The following PCNX2 variants were observed in gnomAD, a reference collection of about 807,000 sequenced individuals.
PCNX2 encodes the protein pecanex 2.
In PCNX2, 168 loss-of-function variants were observed where a neutral mutation model predicts 223.8. That is an observed-to-expected ratio of 0.75 (90% confidence interval 0.66 to 0.85). The LOEUF is 0.85. PCNX2 is among the 40% of genes least tolerant of loss of function. PCNX2 has a pLI of 0.00. For missense variants in PCNX2, 2,507 were observed against 2,675.5 expected, an observed-to-expected ratio of 0.94 and a Z score of 1.39; for synonymous variants, 1,006 against 1,052.6, an observed-to-expected ratio of 0.96 and a Z score of 0.86.
At chr1:233,261,987 G>C in intron 3 of PCNX2, 58 bp downstream of exon 3, 1 of 1,602,084 alleles carries the variant, frequency 6.2e-7, no homozygotes, top group African/African-American at 1.3e-5. Context: ...TCCCATTCTA[G>C]GTGAGATCAA....
chr1:233,324,725 A>G, the PCNX2 span, among the ~76,000 whole-genome samples: 36 of 150,984 alleles, frequency 2.4e-4, no homozygotes, highest in African/African-American at 8.5e-4. Context: ...CTCAGCCTAC[A>G]GAGTAGCTGG....
chr1:233,315,826 AT>A, the PCNX2 span, among the ~76,000 whole-genome samples: 1 of 151,722 alleles, frequency 6.6e-6, no homozygotes, highest in Non-Finnish European at 1.5e-5. Context: ...TAAAAAAAAA[AT>A]CTTTGTCCTC....
chr1:233,017,553 T>TG (rs1292041121), intron 26 of PCNX2, among the ~76,000 whole-genome samples: 1 of 152,038 alleles, frequency 6.6e-6, no homozygotes, highest in Non-Finnish European at 1.5e-5. Flanking sequence ...CCTGACCTCG[T>TG]GATCCGCCCG....
intron 13 of PCNX2, among the ~76,000 whole-genome samples, chr1:233,206,582 G>A (rs902845977): frequency 2.8e-4 from 43 of 152,132 alleles, no homozygotes; most frequent in Non-Finnish European, 5.7e-4. Flanking sequence ...TATCAGGAAG[G>A]ATAGAAGCAA....
chr1:233,149,948 C>T (rs76194334), intron 19 of PCNX2, among the ~76,000 whole-genome samples: 1,981 of 152,024 alleles, frequency 0.013, 28 homozygotes, highest in Middle Eastern at 0.024. Flanking sequence ...ATTTACACGT[C>T]ACTTCCTCAA....
At chr1:233,039,993 A>G (rs563620379) in intron 25 of PCNX2, among the ~76,000 whole-genome samples, 27 of 152,266 alleles carry the variant, frequency 1.8e-4, no homozygotes, top group Non-Finnish European at 3.2e-4. Flanking sequence ...TGTAGAAAAT[A>G]TATACAAATG....
Position 233,253,461 on chromosome 1 carries a change from C to T in PCNX2, c.1835-673G>A, listed in dbSNP as rs1040453036. 6.6e-6 allele frequency among the ~76,000 whole-genome samples: 1 copy of T among 152,220 alleles called. No homozygotes were observed. Among genetic ancestry groups the T allele is most frequent in the African/African-American group, 2.4e-5 (1 of 41,472 alleles). On this transcript the variant is annotated intron_variant, in intron 5 of 33. Coordinates refer to ENST00000258229, the MANE Select transcript of PCNX2 (RefSeq NM_014801.4). The surrounding 1 kb of genome is among the most constrained non-coding windows in gnomAD (Gnocchi z 4.2). ...TTGGGCACAAGTGACTCTCCTATCT[C>T]TGCCTCCCAAGCAGCTGGGATGACA...
At chr1:233,199,821 CTT>C (rs1312101607) in intron 14 of PCNX2, among the ~76,000 whole-genome samples, 2 of 150,738 alleles carry the variant, frequency 1.3e-5, no homozygotes, top group African/African-American at 2.4e-5. Flanking sequence ...CACACACACA[CTT>C]ATATCCACTC....
chr1:233,126,662 C>CT lies in PCNX2; in HGVS notation c.3837+8350dup, dbSNP rs1676117083. Among the ~76,000 whole-genome samples, 1 of 151,912 alleles carries CT rather than the reference C, an allele frequency of 6.6e-6. No homozygotes were observed. Among genetic ancestry groups the CT allele is most frequent in the African/African-American group, 2.4e-5 (1 of 41,344 alleles). ...CAGACTTTTTTTGTATTTTCCATTG[C>CT]TTTTCTAATTTTATCATGATAAGAA... On this transcript the variant is annotated intron_variant, in intron 21 of 33. Coordinates refer to ENST00000258229, the MANE Select transcript of PCNX2 (RefSeq NM_014801.4). The surrounding 1 kb of genome is among the most constrained non-coding windows in gnomAD (Gnocchi z 4.8).
chr1:233,132,844 G>A (rs1676577438), intron 21 of PCNX2, among the ~76,000 whole-genome samples: 2 of 146,314 alleles, frequency 1.4e-5, no homozygotes, highest in South Asian at 4.5e-4. Context: ...ATGTCAAAAT[G>A]TAAATAATGC....
At chr1:233,322,044 A>G in the PCNX2 span, among the ~76,000 whole-genome samples, 17 of 152,174 alleles carry the variant, frequency 1.1e-4, no homozygotes, top group Admixed American at 9.2e-4. Flanking sequence ...CCCAAACAGA[A>G]GGTGGTTCTT....
chr1:233,194,840 C>T (rs1680629618), intron 15 of PCNX2, among the ~76,000 whole-genome samples: 2 of 151,882 alleles, frequency 1.3e-5, no homozygotes, highest in Admixed American at 6.6e-5. Context: ...CATGGTGAAA[C>T]CCCATCTCTA....
At chr1:233,040,716 A>T (rs1671613889) in intron 25 of PCNX2, among the ~76,000 whole-genome samples, 1 of 151,836 alleles carries the variant, frequency 6.6e-6, no homozygotes, top group African/African-American at 2.4e-5. Context: ...ACTCTTGGGG[A>T]TGTCAATATA....
chr1:233,279,593 T>C (rs114137715), intron 1 of PCNX2, among the ~76,000 whole-genome samples: 3,162 of 152,236 alleles, frequency 0.021, 110 homozygotes, highest in African/African-American at 0.071. Context: ...CTGATATTTA[T>C]AATTTTAAAG....
chr1:233,031,844 A>G (rs1314521516), intron 25 of PCNX2: 1 of 983,138 alleles, frequency 1.0e-6, no homozygotes, highest in Non-Finnish European at 1.2e-6. Flanking sequence ...CCAATATACA[A>G]CTTTTCTTCC....
chr1:232,998,203 G>A, intron 32 of PCNX2, 48 bp downstream of exon 32: 1 of 1,455,324 alleles, frequency 6.9e-7, no homozygotes, highest in Non-Finnish European at 9.1e-7. Flanking sequence ...TGGTCACTGG[G>A]ACCAAATAGG....
At chr1:233,064,591 T>C (rs1269779374) in intron 23 of PCNX2, among the ~76,000 whole-genome samples, 2 of 152,180 alleles carry the variant, frequency 1.3e-5, no homozygotes, top group East Asian at 3.8e-4. Flanking sequence ...AGTCCCTATG[T>C]TACTGAGACT....
intron 9 of PCNX2, among the ~76,000 whole-genome samples, chr1:233,235,179 A>T (rs1658311874): frequency 6.6e-6 from 1 of 152,178 alleles, no homozygotes; most frequent in African/African-American, 2.4e-5. Context: ...GCCTGAATAC[A>T]TGAAAGGGAA....
At chr1:233,125,498 A>G (rs972476304) in intron 21 of PCNX2, among the ~76,000 whole-genome samples, 4 of 152,228 alleles carry the variant, frequency 2.6e-5, no homozygotes, top group South Asian at 2.1e-4. Flanking sequence ...GTGTAGTCCA[A>G]TGCAGTGGCC....
Sources: allele counts gnomAD v4.1 joint callset (sites outside exome capture counted in the v4.1 genomes callset), GRCh38; gene constraint gnomAD v4.1.1; non-coding constraint Gnocchi (gnomAD v3.1); transcripts MANE v1.5; gene names NCBI Gene and HGNC (gene_info 2026-07-23, HGNC 2026-07-21).